RALYL: variants seen among roughly 807,000 people sequenced by gnomAD.
The protein encoded by RALYL is RNA-binding Raly-like protein.
RALYL carries 29 observed loss-of-function variants against 35.1 expected under a neutral mutation model. The observed-to-expected ratio is 0.83, with a 90% confidence interval of 0.61 to 1.13. RALYL has a LOEUF of 1.13. Ranked by LOEUF, RALYL falls within the 50% of genes most tolerant of loss-of-function variation. The probability of loss-of-function intolerance (pLI) is 0.00; values close to 1 mark genes in which losing one functional copy is unlikely to be tolerated. For synonymous variants in RALYL, 120 were observed against 127.6 expected, an observed-to-expected ratio of 0.94 and a Z score of 0.40; for missense variants, 359 against 360.4, an observed-to-expected ratio of 1.00 and a Z score of 0.03.
intron 1 of RALYL, among the ~76,000 whole-genome samples, chr8:84,504,906 T>C (rs527646440): frequency 6.6e-6 from 1 of 152,206 alleles, no homozygotes; most frequent in Admixed American, 6.6e-5. Flanking sequence ...AGCTGGGAGA[T>C]TGAAAAAGCT....
intron 2 of RALYL, among the ~76,000 whole-genome samples, chr8:84,637,138 A>T (rs1189453698): frequency 6.6e-6 from 1 of 151,948 alleles, no homozygotes; most frequent in Non-Finnish European, 1.5e-5. Flanking sequence ...AAATTCTGTG[A>T]GTCCGTGATT....
intron 4 of RALYL, 21 bp from the exon 5 acceptor site, chr8:84,849,958 AT>A: frequency 2.7e-5 from 38 of 1,393,458 alleles, no homozygotes; most frequent in Middle Eastern, 1.8e-4. Flanking sequence ...ATGCCAACTA[AT>A]TTTTTTGTTT....
chr8:84,732,074 T>C (rs1431177162), intron 2 of RALYL, among the ~76,000 whole-genome samples: 2 of 152,158 alleles, frequency 1.3e-5, no homozygotes, highest in African/African-American at 2.4e-5. Flanking sequence ...CAGAGAAAAT[T>C]CCTCTTCTAT....
chr8:84,801,724 G>GTGT (rs1476164401), intron 3 of RALYL, among the ~76,000 whole-genome samples: 2 of 152,298 alleles, frequency 1.3e-5, no homozygotes, highest in African/African-American at 2.4e-5. Context: ...CTGGAATGAA[G>GTGT]TGTTTATTGT....
chr8:84,243,261 G>A (rs80315426), intron 1 of RALYL, among the ~76,000 whole-genome samples: 4,420 of 152,000 alleles, frequency 0.029, 93 homozygotes, highest in East Asian at 0.12. Context: ...TGCCTCCAGC[G>A]TGTTTTTGTT....
At chr8:84,562,188 G>A (rs972875167) in intron 2 of RALYL, among the ~76,000 whole-genome samples, 2 of 151,864 alleles carry the variant, frequency 1.3e-5, no homozygotes, top group African/African-American at 2.4e-5. Flanking sequence ...GAATCCCATT[G>A]TGTGCCAGCT....
At position 84,545,804 on chromosome 8, in the gene RALYL, T is replaced by C. The variant is rs182207684; in HGVS notation, c.256+16227T>C. On this transcript the variant is annotated intron_variant, in intron 2 of 8. Transcript: ENST00000521268. ...TTATAATGACATACTTTACAAGTTG[T>C]CTCTTTCTTAAGTGGTCCTGTTGAT... Among the ~76,000 whole-genome samples, 10 of 152,306 alleles carry C rather than the reference T, an allele frequency of 6.6e-5. No individual in the cohort carries two copies. In the East Asian group the frequency reaches 1.9e-3, roughly 29 times the overall value.
intron 2 of RALYL, among the ~76,000 whole-genome samples, chr8:84,753,571 G>C (rs1810596043): frequency 6.6e-6 from 1 of 152,136 alleles, no homozygotes; most frequent in African/African-American, 2.4e-5. Context: ...GCAGTGCCTG[G>C]ATCATGGGGA....
At chr8:84,481,031 T>A (rs1475407443) in intron 1 of RALYL, among the ~76,000 whole-genome samples, 1 of 152,198 alleles carries the variant, frequency 6.6e-6, no homozygotes, top group African/African-American at 2.4e-5. Context: ...ACAAAATACA[T>A]ACTTTGTTAT....
chr8:84,697,849 T>C (rs1291004623), intron 2 of RALYL, among the ~76,000 whole-genome samples: 1 of 152,126 alleles, frequency 6.6e-6, no homozygotes, highest in Non-Finnish European at 1.5e-5. Flanking sequence ...ATTCTTTTTC[T>C]GGAGTATGAG....
chr8:84,476,788 C>A (rs1029318031), intron 1 of RALYL, among the ~76,000 whole-genome samples: 2 of 152,076 alleles, frequency 1.3e-5, no homozygotes, highest in Non-Finnish European at 2.9e-5. Context: ...GCAGCAGATG[C>A]GGAAAGGAGC....
chr8:84,631,194 G>A (rs1175834847), intron 2 of RALYL, among the ~76,000 whole-genome samples: 1 of 151,912 alleles, frequency 6.6e-6, no homozygotes, highest in South Asian at 2.1e-4. Context: ...GCCTATCTTA[G>A]CAAAGTCTGT....
chr8:84,527,705 T>C (rs1183799127), intron 1 of RALYL, among the ~76,000 whole-genome samples: 1 of 152,134 alleles, frequency 6.6e-6, no homozygotes, highest in Non-Finnish European at 1.5e-5. Flanking sequence ...AAAATATATA[T>C]CAACTTTTCT....
intron 1 of RALYL, among the ~76,000 whole-genome samples, chr8:84,318,252 C>T (rs1255560119): frequency 1.3e-5 from 2 of 152,188 alleles, no homozygotes; most frequent in African/African-American, 4.8e-5. Flanking sequence ...CTGGGCCCTG[C>T]TTTCCAACTT....
At position 84,912,981 on chromosome 8, in the gene RALYL, A is replaced by AGGATGGAT. The variant is rs1191228454; in HGVS notation, c.859-7868_859-7861dup. On this transcript the variant is annotated intron_variant, in intron 8 of 8. Transcript: ENST00000521268. The stretch of plus-strand genomic sequence containing the variant: ...AGTTTTGGATGTACAGTGCAGACCC[A>AGGATGGAT]GGATGGATGGATGGATGGATGGATG... 6.0e-3 allele frequency among the ~76,000 whole-genome samples: 728 copies of AGGATGGAT among 120,768 alleles called. 6 individuals carry two copies. The highest frequency in any genetic ancestry group is 0.02 in the African/African-American group (617 of 31,364). The allele number at this position is 120,768 out of a possible 152,430, so 79.2% of individuals were successfully genotyped here.
chr8:84,613,976 A>C (rs1818884353), intron 2 of RALYL, among the ~76,000 whole-genome samples: 2 of 150,824 alleles, frequency 1.3e-5, no homozygotes. Flanking sequence ...TAGAATCTTG[A>C]GTCAAGGGGT....
chr8:84,426,523 T>C (rs1332287676), intron 1 of RALYL, among the ~76,000 whole-genome samples: 4 of 151,924 alleles, frequency 2.6e-5, no homozygotes, highest in Non-Finnish European at 4.4e-5. Context: ...TTCCTTTCTA[T>C]GTCTGACTTA....
intron 7 of RALYL, among the ~76,000 whole-genome samples, chr8:84,875,985 A>G (rs1841056210): frequency 2.0e-5 from 3 of 152,170 alleles, no homozygotes; most frequent in Admixed American, 2.0e-4. Context: ...AGTGTGGGGA[A>G]GGACACACAA....
intron 1 of RALYL, among the ~76,000 whole-genome samples, chr8:84,213,674 T>A (rs895381812): frequency 6.6e-6 from 1 of 152,200 alleles, no homozygotes; most frequent in Non-Finnish European, 1.5e-5. Flanking sequence ...ACAGAATATG[T>A]GTTACATAAA....
Sources: allele counts gnomAD v4.1 joint callset (sites outside exome capture counted in the v4.1 genomes callset), GRCh38; gene constraint gnomAD v4.1.1; transcripts MANE v1.5; gene names NCBI Gene and HGNC (gene_info 2026-07-23, HGNC 2026-07-21).